GRM7: variants seen among roughly 807,000 people sequenced by gnomAD.
The protein encoded by GRM7 is metabotropic glutamate receptor 7.
A neutral mutation model predicts 84.5 loss-of-function variants in GRM7; 35 were observed. That is an observed-to-expected ratio of 0.41 (90% confidence interval 0.32 to 0.55). The LOEUF (loss-of-function observed/expected upper bound fraction) is 0.55. Among genes scored for constraint, GRM7 ranks in the 20% least tolerant of loss-of-function variants. GRM7 has a pLI of 0.19. For missense variants in GRM7, 1,003 were observed against 1,194.6 expected, an observed-to-expected ratio of 0.84 and a Z score of 2.36; for synonymous variants, 487 against 455.1, an observed-to-expected ratio of 1.07 and a Z score of -0.89.
Position 7,349,905 on chromosome 3 carries a change from A to G in GRM7, c.1033+43253A>G, listed in dbSNP as rs1407420292. On this transcript the variant is annotated intron_variant, in intron 4 of 9. Coordinates refer to ENST00000357716, the MANE Select transcript of GRM7 (RefSeq NM_000844.4). Reference sequence around the variant, plus strand: ...TTTTTTCTTTTCATGAAGCAATTATATTCAAATGCTTGATAGGCATCTTTA... The same window carrying G: ...TTTTTTCTTTTCATGAAGCAATTATGTTCAAATGCTTGATAGGCATCTTTA... 3.9e-5 allele frequency among the ~76,000 whole-genome samples: 6 copies of G among 152,096 alleles called. No homozygotes were observed. In the South Asian group the frequency reaches 8.3e-4, roughly 21 times the overall value.
intron 1 of GRM7, among the ~76,000 whole-genome samples, chr3:7,077,244 A>G (rs373698966): frequency 1.5e-4 from 23 of 152,350 alleles, no homozygotes; most frequent in African/African-American, 4.8e-4. Flanking sequence ...AAGGATTATA[A>G]ATCATTCTAC....
intron 2 of GRM7, among the ~76,000 whole-genome samples, chr3:7,187,043 T>G (rs1168786955): frequency 6.6e-6 from 1 of 152,096 alleles, no homozygotes; most frequent in Non-Finnish European, 1.5e-5. Context: ...GTGAGCTCTT[T>G]GATCACTCCA....
intron 2 of GRM7, among the ~76,000 whole-genome samples, chr3:7,154,100 G>A (rs1694370128): frequency 6.6e-6 from 1 of 152,178 alleles, no homozygotes; most frequent in African/African-American, 2.4e-5. Context: ...AAACTTGTGT[G>A]AATCTTGAAT....
At position 7,473,489 on chromosome 3, in the gene GRM7, G is replaced by GGAGAGAGAGAGAGA. The variant is rs372898836; in HGVS notation, c.1515+11796_1515+11809dup. 7.0e-3 allele frequency among the ~76,000 whole-genome samples: 890 copies of GGAGAGAGAGAGAGA among 126,434 alleles called. 8 individuals are homozygous for GGAGAGAGAGAGAGA. Among genetic ancestry groups the GGAGAGAGAGAGAGA allele is most frequent in the Non-Finnish European group, 0.011 (666 of 60,906 alleles). The allele number at this position is 126,434 out of a possible 152,430, so 82.9% of individuals were successfully genotyped here. On this transcript the variant is annotated intron_variant, in intron 7 of 9. Transcript: ENST00000357716. ...AGACTCTGTCTCTTAAAAACGAGAG[G>GGAGAGAGAGAGAGA]GAGAGAGAGAGAGAGAGAGAGAGAG...
At position 6,953,765 on chromosome 3, in the gene GRM7, T is replaced by C. The variant is rs1370705501; in HGVS notation, c.519+91858T>C. 2.6e-5 allele frequency among the ~76,000 whole-genome samples: 4 copies of C among 152,164 alleles called. No homozygotes were observed. The East Asian group carries it at 7.7e-4, about 29-fold the overall frequency. On this transcript the variant is annotated intron_variant, in intron 1 of 9. Transcript: ENST00000357716. ...CATTTGTGAAGTAGACCTGCTTGGC[T>C]CCCTTTCAGCCAGGTAGGCTAGTAC...
intron 1 of GRM7, among the ~76,000 whole-genome samples, chr3:6,984,068 A>G (rs1236436086): frequency 6.6e-6 from 1 of 152,226 alleles, no homozygotes; most frequent in East Asian, 1.9e-4. Flanking sequence ...CAAAGCTCAC[A>G]TACTCAAAAA....
At chr3:7,182,178 G>A (rs796192564) in intron 2 of GRM7, among the ~76,000 whole-genome samples, 9 of 151,668 alleles carry the variant, frequency 5.9e-5, no homozygotes, top group African/African-American at 2.2e-4. Context: ...AGAGAATTAT[G>A]CAGCTTATTA....
intron 1 of GRM7, among the ~76,000 whole-genome samples, chr3:6,951,209 C>T (rs572497650): frequency 1.4e-4 from 21 of 152,260 alleles, no homozygotes; most frequent in African/African-American, 2.9e-4. Flanking sequence ...TAGAAGTTTA[C>T]GAATGTTATT....
chr3:7,529,862 G>A (rs1439780547), intron 7 of GRM7, among the ~76,000 whole-genome samples: 1 of 144,994 alleles, frequency 6.9e-6, no homozygotes, highest in Non-Finnish European at 1.5e-5. Flanking sequence ...AGCTGTTGTT[G>A]TTGTTGTTGT....
At chr3:7,478,468 A>C (rs1240925640) in intron 7 of GRM7, among the ~76,000 whole-genome samples, 1 of 152,202 alleles carries the variant, frequency 6.6e-6, no homozygotes, top group East Asian at 1.9e-4. Flanking sequence ...AGAGAGAAAA[A>C]AGCATGGAAT....
intron 2 of GRM7, among the ~76,000 whole-genome samples, chr3:7,236,056 T>G (rs1471072859): frequency 6.6e-6 from 1 of 152,158 alleles, no homozygotes; most frequent in African/African-American, 2.4e-5. Flanking sequence ...GATGGTGCCT[T>G]CTTGCTGCAT....
At chr3:6,948,906 T>C (rs1380888242) in intron 1 of GRM7, among the ~76,000 whole-genome samples, 2 of 152,230 alleles carry the variant, frequency 1.3e-5, no homozygotes, top group Non-Finnish European at 2.9e-5. Flanking sequence ...TCCATTTGCT[T>C]GGTAGATCTT....
At position 7,568,898 on chromosome 3, in the gene GRM7, G is replaced by A. The variant is rs377321226; in HGVS notation, c.1516-9524G>A. Among the ~76,000 whole-genome samples, 8 of 152,212 alleles carry A rather than the reference G, an allele frequency of 5.3e-5. No homozygotes were observed. In the East Asian group the frequency reaches 1.2e-3, roughly 22 times the overall value. On this transcript the variant is annotated intron_variant, in intron 7 of 9. Coordinates refer to ENST00000357716, the MANE Select transcript of GRM7 (RefSeq NM_000844.4). ...CCCCCCCTCCATGGGCTCCTGTGCG[G>A]CCCCAGCCTCCCGGACGAGCGCCGC... is the stretch of plus-strand genomic sequence containing the variant.
chr3:7,563,496 G>T (rs1694120397), intron 7 of GRM7, among the ~76,000 whole-genome samples: 1 of 152,250 alleles, frequency 6.6e-6, no homozygotes, highest in African/African-American at 2.4e-5. Context: ...AATGCTAAGA[G>T]ATTTCAAACA....
At chr3:7,034,730 G>T (rs1281238816) in intron 1 of GRM7, among the ~76,000 whole-genome samples, 2 of 152,168 alleles carry the variant, frequency 1.3e-5, no homozygotes, top group African/African-American at 2.4e-5. Flanking sequence ...GCTGTGTATA[G>T]TTGCCAGAAC....
intron 4 of GRM7, among the ~76,000 whole-genome samples, chr3:7,383,147 T>C (rs1399266308): frequency 6.6e-6 from 1 of 152,226 alleles, no homozygotes; most frequent in Non-Finnish European, 1.5e-5. Flanking sequence ...GCAGGAAATA[T>C]CGTATTCTCT....
rs1574935758 is a variant in GRM7, at chr3:6,861,264, A to C, written c.-125A>C. 8.2e-6 allele frequency: 6 copies of C among 736,094 alleles called. No individual in the cohort carries two copies. The highest frequency in any genetic ancestry group is 3.2e-5 in the South Asian group (1 of 31,146). The allele number at this position is 736,094 out of a possible 1,614,324, so 45.6% of individuals were successfully genotyped here. On this transcript the variant is annotated 5_prime_UTR_variant, in exon 1 of 10. Transcript: ENST00000357716. This position sits in a 1 kb window ranked among gnomAD's most constrained non-coding sequence, Gnocchi z 6.4. ...TGGTCGCCCCTCCCCGGATTCCCCC[A>C]CCCTCCGTGCCTGCAGGAGCCCCTG...
chr3:7,123,433 A>G (rs575538907), intron 1 of GRM7, among the ~76,000 whole-genome samples: 1 of 152,284 alleles, frequency 6.6e-6, no homozygotes, highest in African/African-American at 2.4e-5. Context: ...AACCTGGCCA[A>G]TGTGGTGAAA....
At chr3:7,332,041 A>T (rs545188410) in intron 4 of GRM7, among the ~76,000 whole-genome samples, 1 of 152,280 alleles carries the variant, frequency 6.6e-6, no homozygotes, top group South Asian at 2.1e-4. Context: ...GGTATATTTT[A>T]TAGGTGTATA....
Sources: allele counts gnomAD v4.1 joint callset (sites outside exome capture counted in the v4.1 genomes callset), GRCh38; gene constraint gnomAD v4.1.1; non-coding constraint Gnocchi (gnomAD v3.1); transcripts MANE v1.5; gene names NCBI Gene and HGNC (gene_info 2026-07-23, HGNC 2026-07-21).